Variants in PATL1 observed in about 807,000 individuals in gnomAD.
The protein encoded by PATL1 is protein PAT1 homolog 1.
A neutral mutation model predicts 100.6 loss-of-function variants in PATL1; 32 were observed. The ratio of observed to expected loss-of-function variants is 0.32; its 90% CI spans 0.24 to 0.43. The LOEUF (loss-of-function observed/expected upper bound fraction) is 0.43, where lower values mean the gene tolerates loss of function less well. Among genes scored for constraint, PATL1 ranks in the 20% least tolerant of loss-of-function variants. The pLI, the probability that PATL1 is intolerant of heterozygous loss-of-function variation, is 1.00. For synonymous variants in PATL1, 332 were observed against 330.0 expected (o/e 1.01, Z -0.07); for missense variants, 747 against 949.9 (o/e 0.79, Z 2.81).
rs1170203211 is a variant in PATL1, at chr11:59,638,178, A to C, written c.*212T>G. On this transcript the variant is annotated 3_prime_UTR_variant, in exon 19 of 19. Transcript: ENST00000300146. ...AGAACTGTAACACAGAAGGTAAAGA[A>C]ACCAGCAGAAGTATCACCCAGCCAA... is the stretch of plus-strand genomic sequence containing the variant. 1 of 594,362 alleles carries C rather than the reference A, an allele frequency of 1.7e-6. No individual in the cohort carries two copies. Among genetic ancestry groups the C allele is most frequent in the African/African-American group, 1.9e-5 (1 of 53,714 alleles). The allele number at this position is 594,362 out of a possible 1,614,324, so 36.8% of individuals were successfully genotyped here.
At position 59,640,012 on chromosome 11, in the gene PATL1, A is replaced by G. The variant is rs113126598; in HGVS notation, c.2050-629T>C. On this transcript the variant is annotated intron_variant, in intron 16 of 18. Coordinates refer to ENST00000300146, the MANE Select transcript of PATL1 (RefSeq NM_152716.3). Reference sequence around the variant, plus strand: ...GTAAACAGATGTATACACCGTATCTATAATTAAAATTCAGCAACATGCTTT... The same window carrying G: ...GTAAACAGATGTATACACCGTATCTGTAATTAAAATTCAGCAACATGCTTT... Among the ~76,000 whole-genome samples, 667 of 152,388 alleles carry G rather than the reference A, an allele frequency of 4.4e-3. 1 individual carries two copies. The highest frequency in any genetic ancestry group is 0.015 in the African/African-American group (626 of 41,596).
At position 59,637,116 on chromosome 11, in the gene PATL1, T is replaced by A. The variant is rs576627939; in HGVS notation, c.*1274A>T. The stretch of plus-strand genomic sequence containing the variant: ...CACCCCCCAACTACATTCGAAAAAG[T>A]AAGAACAGCAGAAAGATCACGAAGG... On this transcript the variant is annotated 3_prime_UTR_variant, in exon 19 of 19. Transcript: ENST00000300146. The A allele has an allele frequency of 3.0e-4, 45 of 152,354 alleles. No individual in the cohort carries two copies. Among genetic ancestry groups the A allele is most frequent in the African/African-American group, 1.0e-3 (43 of 41,382 alleles). The allele number at this position is 152,354 out of a possible 1,614,324, so 9.4% of individuals were successfully genotyped here.
In PATL1 at chr11:59,649,531, A is replaced by G; in HGVS notation, c.1664T>C (p.Met555Thr). ...ACAAATTTTGTGCTTTCTGTCATCC[A>G]TTAGGGCAGGTCGCTCTTCTTCCAG... The part of the protein sequence containing the change: ...LSLEEERPAL[M>T]DDRKHKICSM... Residue 555 changes from methionine (M) to threonine (T), a missense_variant, in exon 14 of 19, where the codon ATG becomes ACG. Physicochemically the swap from Met to Thr is moderately conservative, Grantham distance 81. Around this residue, in one of 4 missense-constraint regions of PATL1, gnomAD observed 434 missense variants for 596.1 expected, o/e 0.73. Coordinates refer to ENST00000300146, the MANE Select transcript of PATL1 (RefSeq NM_152716.3). 1.2e-6 allele frequency: 2 copies of G among 1,613,894 alleles called. No homozygotes were observed. Among genetic ancestry groups the G allele is most frequent in the Non-Finnish European group, 1.7e-6 (2 of 1,179,868 alleles).
chr11:59,664,461 A>C (rs996471724), intron 2 of PATL1, among the ~76,000 whole-genome samples: 1 of 152,220 alleles, frequency 6.6e-6, no homozygotes, highest in African/African-American at 2.4e-5. Context: ...AATTCATTTT[A>C]ATACTGAAGA....
At chr11:59,646,347 CTTTTT>C (rs1187879323) in intron 15 of PATL1, among the ~76,000 whole-genome samples, 1 of 102,950 alleles carries the variant, frequency 9.7e-6, no homozygotes, top group Non-Finnish European at 2.0e-5. Flanking sequence ...TCATTTTTTT[CTTTTT>C]TTTCTCTATT....
intron 5 of PATL1, 134 bp downstream of exon 5, chr11:59,657,395 CT>C (rs2134755009): frequency 7.6e-6 from 6 of 794,344 alleles, no homozygotes; most frequent in East Asian, 5.6e-5. Flanking sequence ...CTAATTTCTC[CT>C]CTAACTAGCT....
In PATL1 at chr11:59,651,489, A is replaced by G. The variant is rs1861442523; in HGVS notation, c.1524+55T>C. ...CTGATCTCATTCCATGGTGACCCCA[A>G]AAGAAGTGGTCACAAATCAGACGTT... On this transcript the variant is annotated intron_variant, in intron 12 of 18. Coordinates refer to ENST00000300146, the MANE Select transcript of PATL1 (RefSeq NM_152716.3). 5 of 1,390,818 alleles carry G rather than the reference A, an allele frequency of 3.6e-6. No homozygotes were observed. The African/African-American group carries it at 5.7e-5, about 16-fold the overall frequency. The allele number at this position is 1,390,818 out of a possible 1,614,324, so 86.2% of individuals were successfully genotyped here. A position where few individuals can be genotyped will look rare whatever the true frequency, so the allele number is the denominator to read the frequency against.
At chr11:59,667,040 C>T in intron 1 of PATL1, 76 bp from the exon 2 acceptor site, 1 of 1,482,286 alleles carries the variant, frequency 6.7e-7, no homozygotes, top group Non-Finnish European at 8.9e-7. Flanking sequence ...AAATGTTCAT[C>T]TTACCTTCTC....
At chr11:59,668,763 T>A in intron 1 of PATL1, 118 bp downstream of exon 1, 1 of 553,598 alleles carries the variant, frequency 1.8e-6, no homozygotes, top group Non-Finnish European at 3.3e-6. Context: ...AGCTAAGTCC[T>A]GCGACTCCCC....
rs1467417087 is a variant in PATL1, at chr11:59,650,591, C to T, written c.1584+163G>A. On this transcript the variant is annotated intron_variant, in intron 13 of 18. Transcript: ENST00000300146. ...CCAATAGGTGAAACATACCATAATC[C>T]TTTCCAAAGTTATGTGGTACACAAT... Among the ~76,000 whole-genome samples the T allele has an allele frequency of 2.6e-5, 4 of 152,156 alleles. No individual in the cohort carries two copies. In the South Asian group the frequency reaches 8.3e-4, roughly 32 times the overall value.
chr11:59,652,487 T>A lies in PATL1; in HGVS notation c.1403A>T (p.Lys468Ile), dbSNP rs1861461550. The change falls in exon 11 of 19, where the codon AAA becomes ATA. Residue 468 changes from lysine to isoleucine, a missense_variant. Lys to Ile is a moderately radical substitution (Grantham distance 102, BLOSUM62 -3). Transcript: ENST00000300146. The part of the protein sequence containing the change: ...RTKLITPQVA[K>I]LEHAYKPVQF... ...ACCTGGCTTATAGGCGTGCTCCAGT[T>A]TGGCCACCTGAGGGGTGATAAGCTT... 1 of 1,613,626 alleles carries A rather than the reference T, an allele frequency of 6.2e-7. No homozygotes were observed. The highest frequency in any genetic ancestry group is 8.5e-7 in the Non-Finnish European group (1 of 1,179,808).
chr11:59,643,082 A>G, intron 15 of PATL1, 47 bp from the exon 16 acceptor site: 1 of 1,586,396 alleles, frequency 6.3e-7, no homozygotes. Flanking sequence ...GTGTTACTTC[A>G]GTTACCCCCC....
Position 59,652,994 on chromosome 11 carries a change from C to G in PATL1, c.1146G>C (p.Ala382=). ...NRSQHRNLNG[A]GDRGSHRSSH... ...TGCTCCGGTGACTTCCTCTATCTCC[C>G]GCACCATTGAGATTCCGATGCTGAC... Residue 382 remains alanine (A), a synonymous_variant, in exon 10 of 19, where the codon GCG becomes GCC. Transcript: ENST00000300146. 1 of 1,613,328 alleles carries G rather than the reference C, an allele frequency of 6.2e-7. No homozygotes were observed. Among genetic ancestry groups the G allele is most frequent in the South Asian group, 1.1e-5 (1 of 91,052 alleles).
At position 59,655,554 on chromosome 11, in the gene PATL1, G is replaced by C. The variant is rs749588955; in HGVS notation, c.1000C>G (p.Pro334Ala). Residue 334 changes from proline (P) to alanine (A), a missense_variant, in exon 8 of 19, where the codon CCT (proline) becomes GCT (alanine). Physicochemically the swap from Pro to Ala is conservative, Grantham distance 27. Coordinates refer to ENST00000300146, the MANE Select transcript of PATL1 (RefSeq NM_152716.3). ...SATPPPQQHPPGPGPHLQNLR... is the reference protein window; with the variant it reads ...SATPPPQQHPAGPGPHLQNLR... The stretch of plus-strand genomic sequence containing the variant: ...TTTTGCAGGTGGGGTCCTGGGCCAG[G>C]AGGGTGCTGCTGTGGAGGTGGTGTA... The C allele has an allele frequency of 3.1e-5, 49 of 1,586,266 alleles. No individual in the cohort carries two copies. Among genetic ancestry groups the C allele is most frequent in the Non-Finnish European group, 4.1e-5 (48 of 1,165,870 alleles).
At position 59,657,383 on chromosome 11, in the gene PATL1, T is replaced by A. The variant is rs2134755003; in HGVS notation, c.621+147A>T. ...TATCAGGGAATGTGTCTCTTATTTG[T>A]ACTAATTTCTCCTCTAACTAGCTAT... On this transcript the variant is annotated intron_variant, in intron 5 of 18. Coordinates refer to ENST00000300146, the MANE Select transcript of PATL1 (RefSeq NM_152716.3). The A allele has an allele frequency of 4.1e-6, 3 of 731,280 alleles. No individual in the cohort carries two copies. In the South Asian group the frequency reaches 8.6e-5, roughly 21 times the overall value. The allele number at this position is 731,280 out of a possible 1,614,324, so 45.3% of individuals were successfully genotyped here.
chr11:59,657,016 G>T, intron 5 of PATL1: 1 of 905,080 alleles, frequency 1.1e-6, no homozygotes, highest in Non-Finnish European at 1.3e-6. Flanking sequence ...GATACATTGT[G>T]ACTCCACCAT....
intron 2 of PATL1, among the ~76,000 whole-genome samples, chr11:59,664,756 G>A (rs1861665617): frequency 6.6e-6 from 1 of 152,044 alleles, no homozygotes; most frequent in African/African-American, 2.4e-5. Context: ...ATTTTGTGGA[G>A]AAAGAGTCTC....
intron 7 of PATL1, 68 bp downstream of exon 7, chr11:59,655,888 G>T: frequency 7.3e-7 from 1 of 1,371,478 alleles, no homozygotes; most frequent in Non-Finnish European, 1.0e-6. Context: ...CAAAAAAAGG[G>T]GCTATTATCT....
At chr11:59,647,225 A>G (rs1246666840) in intron 15 of PATL1, among the ~76,000 whole-genome samples, 1 of 148,842 alleles carries the variant, frequency 6.7e-6, no homozygotes, top group African/African-American at 2.5e-5. Flanking sequence ...TCTGTCTCAA[A>G]AAAAAAAAAA....
Sources: gnomAD v4.1 joint callset for allele counts (sites outside exome capture counted in the v4.1 genomes callset) on GRCh38, gnomAD v4.1.1 for gene constraint, gnomAD v4.1.1 regional missense constraint, MANE v1.5 for transcripts, NCBI Gene and HGNC (gene_info 2026-07-23, HGNC 2026-07-21) for gene names.